ATP6V0A2: variants seen among roughly 807,000 people sequenced by gnomAD.
ATP6V0A2 encodes the protein V-type proton ATPase 116 kDa subunit a 2.
Under a neutral mutation model 104.4 loss-of-function variants are expected in ATP6V0A2, and 58 were observed. The ratio of observed to expected loss-of-function variants is 0.56; its 90% CI spans 0.45 to 0.69. The LOEUF (loss-of-function observed/expected upper bound fraction) is 0.69, where lower values mean the gene tolerates loss of function less well. Among genes scored for constraint, ATP6V0A2 ranks in the 30% least tolerant of loss-of-function variants. ATP6V0A2 has a pLI of 0.00. For synonymous variants in ATP6V0A2, 376 were observed against 397.9 expected (o/e 0.95, Z 0.65); for missense variants, 938 against 1,062.9 (o/e 0.88, Z 1.63).
At chr12:123,712,866 G>A (rs1956306379) in intron 1 of ATP6V0A2, among the ~76,000 whole-genome samples, 184 bp downstream of exon 1, 1 of 152,136 alleles carries the variant, frequency 6.6e-6, no homozygotes, top group Non-Finnish European at 1.5e-5. Flanking sequence ...CTGACTCCAG[G>A]GTCGCCGGCC....
intron 16 of ATP6V0A2, 36 bp downstream of exon 16, chr12:123,751,265 C>T (rs971782371): frequency 3.7e-6 from 6 of 1,614,014 alleles, no homozygotes; most frequent in Non-Finnish European, 5.1e-6. Context: ...CAACTGTGAG[C>T]AAAGCTTGCT....
chr12:123,739,430 G>A (rs770916190), intron 9 of ATP6V0A2, among the ~76,000 whole-genome samples: 6 of 152,168 alleles, frequency 3.9e-5, no homozygotes, highest in Non-Finnish European at 8.8e-5. Flanking sequence ...TCATGAATCT[G>A]GCTCTTCACA....
Position 123,744,479 on chromosome 12 carries a change from T to C in ATP6V0A2, c.1327-118T>C. 4 of 1,559,518 alleles carry C rather than the reference T, an allele frequency of 2.6e-6. No individual in the cohort carries two copies. In the South Asian group the frequency reaches 4.5e-5, roughly 17 times the overall value. ...GCCTGTCAGCTGCGGCTGACAGGGATGTCTGCGGGGCGAGGCTGTTTTCTG... is the reference window on the plus strand; with the variant it reads ...GCCTGTCAGCTGCGGCTGACAGGGACGTCTGCGGGGCGAGGCTGTTTTCTG... On this transcript the variant is annotated intron_variant, in intron 11 of 19. Coordinates refer to ENST00000330342, the MANE Select transcript of ATP6V0A2 (RefSeq NM_012463.4). This position sits in a 1 kb window ranked among gnomAD's most constrained non-coding sequence, Gnocchi z 5.4.
chr12:123,713,020 G>A (rs1294922123), intron 1 of ATP6V0A2, among the ~76,000 whole-genome samples: 1 of 152,134 alleles, frequency 6.6e-6, no homozygotes, highest in Non-Finnish European at 1.5e-5. Flanking sequence ...GGGGTTAGGG[G>A]GGCGCATTAA....
chr12:123,727,309 GGC>G (rs1956457461), intron 5 of ATP6V0A2, among the ~76,000 whole-genome samples: 6 of 143,896 alleles, frequency 4.2e-5, no homozygotes, highest in Admixed American at 3.5e-4. Flanking sequence ...TTTTTTTTGA[GGC>G]AGAGTCTTGT....
At chr12:123,713,734 T>A (rs1956314264) in intron 1 of ATP6V0A2, among the ~76,000 whole-genome samples, 1 of 146,932 alleles carries the variant, frequency 6.8e-6, no homozygotes, top group Admixed American at 6.7e-5. Context: ...AAGCAAGTAC[T>A]TACTGACTGA....
At chr12:123,718,902 A>T (rs978545306) in intron 2 of ATP6V0A2, among the ~76,000 whole-genome samples, 1 of 152,218 alleles carries the variant, frequency 6.6e-6, no homozygotes, top group Admixed American at 6.5e-5. Flanking sequence ...AAAATTTACA[A>T]ACATAATGGC....
In ATP6V0A2 at chr12:123,727,868, T is replaced by A; in HGVS notation, c.607T>A (p.Ser203Thr). 6.2e-7 allele frequency: 1 copy of A among 1,614,218 alleles called. No individual in the cohort carries two copies. The highest frequency in any genetic ancestry group is 8.5e-7 in the Non-Finnish European group (1 of 1,180,014). Reference sequence around the variant, plus strand: ...AGTCTGCAAAGGGTACACCATCGTGTCCTATGCAGAACTGGATGAATCCCT... The same window carrying A: ...AGTCTGCAAAGGGTACACCATCGTGACCTATGCAGAACTGGATGAATCCCT... ...WRVCKGYTIVSYAELDESLED... is the reference protein window; with the variant it reads ...WRVCKGYTIVTYAELDESLED... Residue 203 changes from serine to threonine, a missense_variant, in exon 6 of 20, where the codon TCC becomes ACC. Physicochemically the swap from Ser to Thr is moderately conservative, Grantham distance 58 (BLOSUM62 1). Transcript: ENST00000330342.
intron 5 of ATP6V0A2, among the ~76,000 whole-genome samples, chr12:123,726,922 C>T (rs1012501576): frequency 7.2e-5 from 11 of 152,042 alleles, no homozygotes; most frequent in Admixed American, 6.6e-4. Context: ...TTTGACTGTG[C>T]CAGGAATGTG....
intron 16 of ATP6V0A2, 92 bp from the exon 17 acceptor site, chr12:123,752,191 T>A (rs1956721945): frequency 1.3e-6 from 2 of 1,544,554 alleles, no homozygotes; most frequent in Admixed American, 3.4e-5. Flanking sequence ...AAGAGCTGAA[T>A]CATTAAGAGA....
intron 15 of ATP6V0A2, 191 bp from the exon 16 acceptor site, chr12:123,750,919 A>AT: frequency 1.5e-6 from 1 of 666,426 alleles, no homozygotes; most frequent in Non-Finnish European, 2.6e-6. Context: ...CATTAATGTT[A>AT]TTCATCAGTT....
At position 123,712,447 on chromosome 12, in the gene ATP6V0A2, G is replaced by A; in HGVS notation, c.-119G>A. 7.0e-6 allele frequency: 4 copies of A among 572,248 alleles called. No individual in the cohort carries two copies. Among genetic ancestry groups the A allele is most frequent in the Non-Finnish European group, 1.1e-5 (4 of 360,674 alleles). The allele number at this position is 572,248 out of a possible 1,614,324, so 35.4% of individuals were successfully genotyped here. A position where few individuals can be genotyped will look rare whatever the true frequency, so the allele number is the denominator to read the frequency against. Reference sequence around the variant, plus strand: ...GCAGTCTGGAGCCCCATAGTGCGGGGCCGCGGCCAGGCCACAGGAAGAGCT... The same window carrying A: ...GCAGTCTGGAGCCCCATAGTGCGGGACCGCGGCCAGGCCACAGGAAGAGCT... On this transcript the variant is annotated 5_prime_UTR_variant, in exon 1 of 20. Coordinates refer to ENST00000330342, the MANE Select transcript of ATP6V0A2 (RefSeq NM_012463.4).
In ATP6V0A2 at chr12:123,756,981, C is replaced by T. The variant is rs1366186121; in HGVS notation, c.2460C>T (p.Leu820=). 11 of 1,614,208 alleles carry T rather than the reference C, an allele frequency of 6.8e-6. No individual in the cohort carries two copies. Among genetic ancestry groups the T allele is most frequent in the Non-Finnish European group, 9.3e-6 (11 of 1,180,040 alleles). Residue 820 remains leucine, a synonymous_variant, in exon 19 of 20, where the codon CTC becomes CTT. Coordinates refer to ENST00000330342, the MANE Select transcript of ATP6V0A2 (RefSeq NM_012463.4). ...GLSAFLHAIR[L]HWVEFQNKFY... ...CTGCGTTTCTTCACGCCATACGCCTCCACTGGTGAGTTTGAAACCTAGCCT... is the reference window on the plus strand; with the variant it reads ...CTGCGTTTCTTCACGCCATACGCCTTCACTGGTGAGTTTGAAACCTAGCCT...
intron 9 of ATP6V0A2, among the ~76,000 whole-genome samples, chr12:123,742,423 C>T (rs574860177): frequency 6.6e-6 from 1 of 152,068 alleles, no homozygotes; most frequent in East Asian, 1.9e-4. Flanking sequence ...AAATGCCATC[C>T]GTAGGCTTTA....
intron 4 of ATP6V0A2, among the ~76,000 whole-genome samples, chr12:123,725,329 C>T (rs1250133011): frequency 2.0e-5 from 3 of 151,958 alleles, no homozygotes; most frequent in African/African-American, 7.3e-5. Flanking sequence ...TGGTTGTTTT[C>T]AGCAATTACA....
chr12:123,744,840 C>T lies in ATP6V0A2; in HGVS notation c.1515-42C>T, dbSNP rs754791657. 1.9e-6 allele frequency: 3 copies of T among 1,614,044 alleles called. No homozygotes were observed. In the South Asian group the frequency reaches 3.3e-5, roughly 18 times the overall value. On this transcript the variant is annotated intron_variant, in intron 12 of 19. Transcript: ENST00000330342. This position sits in a 1 kb window ranked among gnomAD's most constrained non-coding sequence, Gnocchi z 5.4. Reference sequence around the variant, plus strand: ...GTGGAAAGCATGTTTCCTAGACCTTCCTCCTCCCAGGTCAGCCTCCTCACT... The same window carrying T: ...GTGGAAAGCATGTTTCCTAGACCTTTCTCCTCCCAGGTCAGCCTCCTCACT...
At chr12:123,719,154 G>A (rs1000313766) in intron 2 of ATP6V0A2, among the ~76,000 whole-genome samples, 5 of 152,152 alleles carry the variant, frequency 3.3e-5, no homozygotes, top group African/African-American at 1.2e-4. Flanking sequence ...CAAGGGAGGC[G>A]GGAAATGGAA....
At position 123,760,909 on chromosome 12, in the gene ATP6V0A2, T is replaced by G. The variant is rs77765053; in HGVS notation, c.*2877T>G. ...CCCTCAGCAGTTGTTTATTTAAAAA[T>G]TTTTTTATTTTTTTTGAGACAGTGT... On this transcript the variant is annotated 3_prime_UTR_variant, in exon 20 of 20. Coordinates refer to ENST00000330342, the MANE Select transcript of ATP6V0A2 (RefSeq NM_012463.4). The G allele has an allele frequency of 6.6e-6, 1 of 152,184 alleles. No individual in the cohort carries two copies. Among genetic ancestry groups the G allele is most frequent in the Non-Finnish European group, 1.5e-5 (1 of 68,044 alleles). The allele number at this position is 152,184 out of a possible 1,614,324, so 9.4% of individuals were successfully genotyped here. A position where few individuals can be genotyped will look rare whatever the true frequency, so the allele number is the denominator to read the frequency against.
rs1457546549 is a variant in ATP6V0A2 at position 123,760,537 on chromosome 12, G to C, written c.*2505G>C. The C allele has an allele frequency of 6.6e-6, 1 of 152,180 alleles. No homozygotes were observed. The highest frequency in any genetic ancestry group is 1.5e-5 in the Non-Finnish European group (1 of 68,042). The allele number at this position is 152,180 out of a possible 1,614,324, so 9.4% of individuals were successfully genotyped here. On this transcript the variant is annotated 3_prime_UTR_variant, in exon 20 of 20. Coordinates refer to ENST00000330342, the MANE Select transcript of ATP6V0A2 (RefSeq NM_012463.4). ...ATTCCCTTGATAGCAGAGATCCAGA[G>C]CACAGATGGCAAGTTGTGTGGATGA...
Sources: gnomAD v4.1 joint callset for allele counts (sites outside exome capture counted in the v4.1 genomes callset) on GRCh38, gnomAD v4.1.1 for gene constraint, Gnocchi (gnomAD v3.1) non-coding constraint, MANE v1.5 for transcripts, NCBI Gene and HGNC (gene_info 2026-07-23, HGNC 2026-07-21) for gene names.